Variants in BMPER observed in about 807,000 individuals in gnomAD.
BMPER encodes BMP-binding endothelial regulator protein.
BMPER carries 45 observed loss-of-function variants against 87.3 expected under a neutral mutation model. That is an observed-to-expected ratio of 0.52 (90% CI 0.41 to 0.66). The LOEUF (loss-of-function observed/expected upper bound fraction) is 0.66. BMPER is among the 30% of genes least tolerant of loss of function. The probability of loss-of-function intolerance (pLI) is 0.00; values close to 1 mark genes in which losing one functional copy is unlikely to be tolerated. For synonymous variants in BMPER, 326 were observed against 316.2 expected, an observed-to-expected ratio of 1.03 and a Z score of -0.33; for missense variants, 784 against 867.5, an observed-to-expected ratio of 0.90 and a Z score of 1.21.
intron 11 of BMPER, among the ~76,000 whole-genome samples, chr7:34,078,543 A>G (rs1172846953): frequency 6.6e-6 from 1 of 152,192 alleles, no homozygotes; most frequent in Non-Finnish European, 1.5e-5. Flanking sequence ...AAGTAAGGCC[A>G]GTTCTTAGTT....
chr7:34,036,299 T>G (rs1787665619), intron 6 of BMPER, among the ~76,000 whole-genome samples: 1 of 152,206 alleles, frequency 6.6e-6, no homozygotes, highest in Non-Finnish European at 1.5e-5. Flanking sequence ...CACTTTTTTT[T>G]GTTTGTTTGT....
At chr7:33,915,016 T>C (rs1343000112) in intron 2 of BMPER, among the ~76,000 whole-genome samples, 1 of 152,270 alleles carries the variant, frequency 6.6e-6, no homozygotes, top group African/African-American at 2.4e-5. Flanking sequence ...TGATCATAGA[T>C]GAGATTCAGT....
chr7:33,989,363 C>A (rs2127924263), intron 6 of BMPER, among the ~76,000 whole-genome samples: 1 of 151,800 alleles, frequency 6.6e-6, no homozygotes, highest in East Asian at 1.9e-4. Context: ...TCTCTGATGG[C>A]CAGTGATGAT....
intron 3 of BMPER, among the ~76,000 whole-genome samples, chr7:33,945,504 G>A (rs1325698618): frequency 2.0e-5 from 3 of 151,892 alleles, no homozygotes; most frequent in Admixed American, 1.3e-4. Context: ...CACCCGCCTC[G>A]GCCTCCCAGA....
chr7:33,967,737 C>G (rs1232134010), intron 4 of BMPER, among the ~76,000 whole-genome samples: 1 of 152,192 alleles, frequency 6.6e-6, no homozygotes, highest in Non-Finnish European at 1.5e-5. Flanking sequence ...CCACTTCACC[C>G]ATGCCCTGCC....
At chr7:33,944,355 T>C (rs896530590) in intron 3 of BMPER, among the ~76,000 whole-genome samples, 9 of 151,942 alleles carry the variant, frequency 5.9e-5, no homozygotes, top group African/African-American at 2.2e-4. Flanking sequence ...TTAGTAGAGA[T>C]GAGGTTTCGC....
intron 11 of BMPER, 90 bp downstream of exon 11, chr7:34,062,137 A>G (rs1788453948): frequency 2.4e-6 from 3 of 1,246,230 alleles, no homozygotes; most frequent in Non-Finnish European, 3.5e-6. Flanking sequence ...TTTCCCACAC[A>G]TTTTATTTTT....
intron 11 of BMPER, among the ~76,000 whole-genome samples, chr7:34,070,100 T>A (rs1211233926): frequency 6.6e-6 from 1 of 152,214 alleles, no homozygotes; most frequent in Non-Finnish European, 1.5e-5. Context: ...TGGTTTCAGA[T>A]TTGTTTAAGC....
In BMPER at chr7:34,111,506, T is replaced by C. The variant is rs944618027; in HGVS notation, c.1745+25414T>C. 3.9e-5 allele frequency among the ~76,000 whole-genome samples: 6 copies of C among 152,312 alleles called. No homozygotes were observed. In the South Asian group the frequency reaches 8.3e-4, roughly 21 times the overall value. On this transcript the variant is annotated intron_variant, in intron 13 of 14. Coordinates refer to ENST00000649409, the MANE Select transcript of BMPER (RefSeq NM_001365308.1). ...GGTGGTCTATGGAAAATAAATCTGATTTGGGAATAATCAGGTGGAGTAAAT... is the reference window on the plus strand; with the variant it reads ...GGTGGTCTATGGAAAATAAATCTGACTTGGGAATAATCAGGTGGAGTAAAT...
At chr7:34,111,386 A>G (rs1191709270) in intron 13 of BMPER, among the ~76,000 whole-genome samples, 1 of 152,222 alleles carries the variant, frequency 6.6e-6, no homozygotes, top group Non-Finnish European at 1.5e-5. Context: ...TGTCTGCACA[A>G]TCGATCAGAT....
intron 6 of BMPER, among the ~76,000 whole-genome samples, chr7:34,045,486 G>A (rs879935440): frequency 3.9e-5 from 6 of 152,130 alleles, no homozygotes; most frequent in Non-Finnish European, 7.4e-5. Flanking sequence ...GATGTTGGAG[G>A]TATGGAGTGC....
chr7:34,108,100 T>C (rs1789870312), intron 13 of BMPER, among the ~76,000 whole-genome samples: 1 of 152,244 alleles, frequency 6.6e-6, no homozygotes, highest in Admixed American at 6.5e-5. Context: ...AACATGGATC[T>C]GCAAGACTTG....
intron 7 of BMPER, among the ~76,000 whole-genome samples, chr7:34,048,524 C>T (rs1245706513): frequency 6.6e-6 from 1 of 152,188 alleles, no homozygotes; most frequent in East Asian, 1.9e-4. Flanking sequence ...CACAAATCAT[C>T]ATGCTGTGGG....
intron 13 of BMPER, among the ~76,000 whole-genome samples, chr7:34,121,014 A>C (rs1385829008): frequency 1.3e-5 from 2 of 150,932 alleles, no homozygotes; most frequent in Non-Finnish European, 3.0e-5. Flanking sequence ...GGTAATATAT[A>C]ATTATTTAAT....
chr7:33,929,104 G>A (rs979864617), intron 2 of BMPER, among the ~76,000 whole-genome samples: 1 of 152,188 alleles, frequency 6.6e-6, no homozygotes, highest in African/African-American at 2.4e-5. Context: ...TTCAAGGGCA[G>A]CTTTGTTCAG....
chr7:33,960,662 A>G (rs557556917), intron 3 of BMPER, among the ~76,000 whole-genome samples: 1 of 152,362 alleles, frequency 6.6e-6, no homozygotes, highest in South Asian at 2.1e-4. Context: ...TTTGAAAGGA[A>G]AAGGCACTCT....
At position 34,078,856 on chromosome 7, in the gene BMPER, G is replaced by A. The variant is rs1226018782; in HGVS notation, c.1079-1G>A. 6.2e-7 allele frequency: 1 copy of A among 1,614,134 alleles called. No homozygotes were observed. On this transcript the variant is annotated splice_acceptor_variant, in intron 11 of 14. Transcript: ENST00000649409. LOFTEE classifies it high-confidence loss of function. ...GGCTTTTGTCTCTCACTCCTCCGCAGAGCCCGGCGTTTGCACGGTGTTTGG... is the reference window on the plus strand; with the variant it reads ...GGCTTTTGTCTCTCACTCCTCCGCAAAGCCCGGCGTTTGCACGGTGTTTGG...
At chr7:33,931,895 G>C (rs73110366) in intron 2 of BMPER, among the ~76,000 whole-genome samples, 8,299 of 152,256 alleles carry the variant, frequency 0.055, 260 homozygotes, top group Non-Finnish European at 0.069. Context: ...TTGAATCAAG[G>C]TGAAGATCTC....
intron 13 of BMPER, among the ~76,000 whole-genome samples, chr7:34,139,953 A>C (rs1790820827): frequency 6.6e-6 from 1 of 152,088 alleles, no homozygotes; most frequent in Non-Finnish European, 1.5e-5. Context: ...CTTAGGTGTA[A>C]AATTTTCATC....
Sources: allele counts gnomAD v4.1 joint callset (sites outside exome capture counted in the v4.1 genomes callset), GRCh38; gene constraint gnomAD v4.1.1; transcripts MANE v1.5; gene names NCBI Gene and HGNC (gene_info 2026-07-23, HGNC 2026-07-21).